The following PTPRD variants were observed in gnomAD, a reference collection of about 807,000 sequenced individuals.
The protein encoded by PTPRD is receptor-type tyrosine-protein phosphatase delta.
PTPRD carries 34 observed loss-of-function variants against 214.5 expected under a neutral mutation model. The ratio of observed to expected loss-of-function variants is 0.16; its 90% CI spans 0.12 to 0.21. The LOEUF (loss-of-function observed/expected upper bound fraction) is 0.21, where lower values mean the gene tolerates loss of function less well. PTPRD is among the 10% of genes least tolerant of loss of function. The pLI is 1.00. For missense variants in PTPRD, 2,545 were observed against 2,398.7 expected, an observed-to-expected ratio of 1.06 and a Z score of -1.27; for synonymous variants, 1,128 against 845.7, an observed-to-expected ratio of 1.33 and a Z score of -5.79.
At chr9:10,514,059 A>T (rs1566657798) in intron 2 of PTPRD, among the ~76,000 whole-genome samples, 1 of 152,154 alleles carries the variant, frequency 6.6e-6, no homozygotes, top group East Asian at 1.9e-4. Context: ...ATGTCAATTC[A>T]TATCAGCTAA....
At chr9:8,466,597 G>A (rs1378987079) in intron 31 of PTPRD, among the ~76,000 whole-genome samples, 1 of 151,766 alleles carries the variant, frequency 6.6e-6, no homozygotes, top group African/African-American at 2.4e-5. Context: ...TATTTCACAG[G>A]GTTTAACAAG....
intron 9 of PTPRD, among the ~76,000 whole-genome samples, chr9:9,203,914 G>C (rs577609613): frequency 6.6e-6 from 1 of 152,258 alleles, no homozygotes; most frequent in African/African-American, 2.4e-5. Context: ...AGAAAATCAA[G>C]CCATAGACTG....
At chr9:8,945,308 A>G (rs1420807656) in intron 11 of PTPRD, among the ~76,000 whole-genome samples, 2 of 150,044 alleles carry the variant, frequency 1.3e-5, no homozygotes, top group East Asian at 3.9e-4. Context: ...TATTTAGAAT[A>G]AAATATATAT....
At chr9:10,520,818 C>T (rs1044354808) in intron 2 of PTPRD, among the ~76,000 whole-genome samples, 9 of 151,982 alleles carry the variant, frequency 5.9e-5, no homozygotes, top group African/African-American at 2.2e-4. Flanking sequence ...TAGATGACAG[C>T]ACATCTGTTT....
intron 8 of PTPRD, among the ~76,000 whole-genome samples, chr9:9,522,196 A>G (rs2096995678): frequency 6.6e-6 from 1 of 151,098 alleles, no homozygotes; most frequent in Admixed American, 6.6e-5. Context: ...ATCAGTCTAT[A>G]ATTTTGCATA....
chr9:10,306,474 T>A (rs998489265), intron 3 of PTPRD, among the ~76,000 whole-genome samples: 1 of 152,076 alleles, frequency 6.6e-6, no homozygotes, highest in African/African-American at 2.4e-5. Flanking sequence ...GTAAACTTTC[T>A]AAATAGTTCT....
At chr9:8,706,245 T>C (rs113397436) in intron 12 of PTPRD, among the ~76,000 whole-genome samples, 1 of 152,218 alleles carries the variant, frequency 6.6e-6, no homozygotes, top group East Asian at 1.9e-4. Context: ...GAAGTTCTTC[T>C]GAAATTAGAT....
At chr9:9,964,995 T>G (rs2094587247) in intron 4 of PTPRD, among the ~76,000 whole-genome samples, 1 of 152,152 alleles carries the variant, frequency 6.6e-6, no homozygotes, top group Non-Finnish European at 1.5e-5. Flanking sequence ...TAACAAAAAT[T>G]CATAATTTTA....
At chr9:10,432,358 G>C (rs2098688323) in intron 2 of PTPRD, among the ~76,000 whole-genome samples, 1 of 151,270 alleles carries the variant, frequency 6.6e-6, no homozygotes, top group African/African-American at 2.4e-5. Context: ...AGTGGGTGCA[G>C]CGCACCAGCA....
At chr9:8,625,767 C>T (rs2096006863) in intron 14 of PTPRD, among the ~76,000 whole-genome samples, 1 of 150,808 alleles carries the variant, frequency 6.6e-6, no homozygotes, top group African/African-American at 2.4e-5. Context: ...AAAAGAAAGG[C>T]ATGGAAAGTT....
intron 3 of PTPRD, among the ~76,000 whole-genome samples, chr9:10,338,141 G>A (rs1262968771): frequency 6.6e-6 from 1 of 151,424 alleles, no homozygotes; most frequent in Non-Finnish European, 1.5e-5. Context: ...AATACCACTG[G>A]GTCTTGCTAG....
chr9:8,854,766 T>C (rs755722310), intron 11 of PTPRD, among the ~76,000 whole-genome samples: 1 of 152,194 alleles, frequency 6.6e-6, no homozygotes, highest in Non-Finnish European at 1.5e-5. Flanking sequence ...GTACAGCGCT[T>C]ACAAAGCTAC....
intron 11 of PTPRD, among the ~76,000 whole-genome samples, chr9:8,883,326 G>A (rs2098461891): frequency 6.6e-6 from 1 of 152,190 alleles, no homozygotes; most frequent in African/African-American, 2.4e-5. Flanking sequence ...GATTTGTTCT[G>A]TGTGGAGTAA....
intron 5 of PTPRD, among the ~76,000 whole-genome samples, chr9:9,862,277 A>G (rs932913749): frequency 2.6e-5 from 4 of 152,226 alleles, no homozygotes; most frequent in Admixed American, 1.3e-4. Context: ...AAATTGCTAT[A>G]AATCCATTTA....
intron 8 of PTPRD, among the ~76,000 whole-genome samples, chr9:9,441,687 T>A (rs1034450434): frequency 6.6e-6 from 1 of 152,090 alleles, no homozygotes; most frequent in African/African-American, 2.4e-5. Context: ...TAGAATAATT[T>A]AGAGTTAAAA....
chr9:9,337,624 G>A (rs917909951), intron 9 of PTPRD, among the ~76,000 whole-genome samples: 2 of 152,114 alleles, frequency 1.3e-5, no homozygotes, highest in African/African-American at 2.4e-5. Flanking sequence ...AATCGCATAC[G>A]TGAACCTGCA....
intron 2 of PTPRD, among the ~76,000 whole-genome samples, chr9:10,559,903 G>A (rs541141537): frequency 1.3e-4 from 20 of 152,128 alleles, no homozygotes; most frequent in African/African-American, 4.6e-4. Flanking sequence ...AAAAAGTCAG[G>A]AAACAACAGG....
At chr9:8,809,626 G>A (rs187766809) in intron 11 of PTPRD, among the ~76,000 whole-genome samples, 4 of 152,280 alleles carry the variant, frequency 2.6e-5, no homozygotes, top group African/African-American at 9.6e-5. Flanking sequence ...GAGTCTCTGA[G>A]CAGATACCTG....
At chr9:10,152,537 G>T (rs1258299039) in intron 3 of PTPRD, among the ~76,000 whole-genome samples, 4 of 152,124 alleles carry the variant, frequency 2.6e-5, no homozygotes, top group Admixed American at 2.6e-4. Context: ...AAAGAAGAAG[G>T]AAATCAGGCC....
Sources: gnomAD v4.1 joint callset for allele counts (sites outside exome capture counted in the v4.1 genomes callset) on GRCh38, gnomAD v4.1.1 for gene constraint, MANE v1.5 for transcripts, NCBI Gene and HGNC (gene_info 2026-07-23, HGNC 2026-07-21) for gene names.